Variants in PDE11A observed in about 807,000 individuals in gnomAD.
PDE11A encodes the protein dual 3',5'-cyclic-AMP and -GMP phosphodiesterase 11A.
In PDE11A, 100 loss-of-function variants were observed where a neutral mutation model predicts 100.5. That is an observed-to-expected ratio of 1.00 (90% CI 0.85 to 1.18). PDE11A has a LOEUF of 1.18. PDE11A is among the 50% of genes most tolerant of loss of function. The pLI, the probability that PDE11A is intolerant of heterozygous loss-of-function variation, is 0.00. For missense variants in PDE11A, 1,141 were observed against 1,152.6 expected, an observed-to-expected ratio of 0.99 and a Z score of 0.15; for synonymous variants, 381 against 420.8, an observed-to-expected ratio of 0.91 and a Z score of 1.16.
At chr2:177,969,065 A>T (rs2085735400) in intron 2 of PDE11A, among the ~76,000 whole-genome samples, 1 of 152,218 alleles carries the variant, frequency 6.6e-6, no homozygotes, top group Non-Finnish European at 1.5e-5. Flanking sequence ...TGACACATAT[A>T]CACCATGGAA....
chr2:178,061,268 A>T (rs2086965929), intron 1 of PDE11A, among the ~76,000 whole-genome samples: 1 of 151,920 alleles, frequency 6.6e-6, no homozygotes, highest in Non-Finnish European at 1.5e-5. Flanking sequence ...CTACCAGGGG[A>T]TATTTGACAA....
At chr2:178,062,752 G>C (rs1220371393) in intron 1 of PDE11A, among the ~76,000 whole-genome samples, 1 of 152,130 alleles carries the variant, frequency 6.6e-6, no homozygotes, top group Non-Finnish European at 1.5e-5. Context: ...AAATGTAAAG[G>C]TTAAAACATT....
intron 3 of PDE11A, among the ~76,000 whole-genome samples, chr2:177,902,697 C>T (rs888554820): frequency 2.6e-5 from 4 of 152,152 alleles, no homozygotes; most frequent in African/African-American, 9.7e-5. Flanking sequence ...ATCTTAATCT[C>T]CAGTCCTGAC....
At chr2:177,904,920 C>A (rs567712726) in intron 3 of PDE11A, among the ~76,000 whole-genome samples, 178 bp downstream of exon 3, 3 of 152,178 alleles carry the variant, frequency 2.0e-5, no homozygotes, top group Non-Finnish European at 4.4e-5. Context: ...GTATCCACTT[C>A]CATTTGGGCT....
At chr2:177,927,098 C>T (rs998890911) in intron 2 of PDE11A, 2 of 152,224 alleles carry the variant, frequency 1.3e-5, no homozygotes, top group Admixed American at 1.3e-4. Context: ...ATTCCACTCT[C>T]ATTTTCTCTT....
intron 9 of PDE11A, among the ~76,000 whole-genome samples, chr2:177,812,738 A>G (rs941536613): frequency 6.6e-6 from 1 of 152,262 alleles, no homozygotes; most frequent in African/African-American, 2.4e-5. Context: ...CTTGACTCCC[A>G]GTAATCACTC....
chr2:178,041,200 A>G (rs1428239130), intron 1 of PDE11A, among the ~76,000 whole-genome samples: 2 of 150,894 alleles, frequency 1.3e-5, no homozygotes, highest in Non-Finnish European at 3.0e-5. Flanking sequence ...TCAGCCTCCC[A>G]AAGTGCTGGG....
At chr2:177,824,144 C>T (rs1037644294) in intron 6 of PDE11A, among the ~76,000 whole-genome samples, 2 of 152,012 alleles carry the variant, frequency 1.3e-5, no homozygotes, top group African/African-American at 4.8e-5. Flanking sequence ...TCTCCCATCC[C>T]CATGGAGGAT....
Position 177,761,755 on chromosome 2 carries a change from G to C in PDE11A, c.1788+7568C>G, listed in dbSNP as rs77948986. On this transcript the variant is annotated intron_variant, in intron 10 of 19. Coordinates refer to ENST00000286063, the MANE Select transcript of PDE11A (RefSeq NM_016953.4). ...TGGGTGCAAACATATAAAAGGACAGGGAATGGGCAGAAAACACCAAGTAGA... is the reference window on the plus strand; with the variant it reads ...TGGGTGCAAACATATAAAAGGACAGCGAATGGGCAGAAAACACCAAGTAGA... Among the ~76,000 whole-genome samples, 1,182 of 152,242 alleles carry C rather than the reference G, an allele frequency of 7.8e-3. 15 individuals carry two copies. Among genetic ancestry groups the C allele is most frequent in the African/African-American group, 0.027 (1,119 of 41,536 alleles).
At chr2:178,028,888 G>A (rs957299449) in intron 1 of PDE11A, among the ~76,000 whole-genome samples, 7 of 152,042 alleles carry the variant, frequency 4.6e-5, no homozygotes, top group Non-Finnish European at 7.4e-5. Context: ...CAATTTAACC[G>A]ACTAGAATTC....
At chr2:177,868,358 A>G (rs2084065337) in intron 5 of PDE11A, among the ~76,000 whole-genome samples, 2 of 152,082 alleles carry the variant, frequency 1.3e-5, no homozygotes, top group Non-Finnish European at 2.9e-5. Context: ...AGGAAAAACA[A>G]AGCGGCTCTA....
intron 10 of PDE11A, among the ~76,000 whole-genome samples, chr2:177,749,967 G>C (rs1182627328): frequency 6.6e-6 from 1 of 152,180 alleles, no homozygotes; most frequent in Non-Finnish European, 1.5e-5. Flanking sequence ...CTGAAAACTA[G>C]AGTTTGGGTT....
At chr2:178,099,016 A>T (rs2105887785) in intron 2 of PDE11A, among the ~76,000 whole-genome samples, 1 of 152,310 alleles carries the variant, frequency 6.6e-6, no homozygotes, top group East Asian at 1.9e-4. Flanking sequence ...AATTCAAACA[A>T]TTTGTTTCTA....
intron 2 of PDE11A, among the ~76,000 whole-genome samples, chr2:177,982,096 T>C (rs1020940965): frequency 6.6e-6 from 1 of 151,122 alleles, no homozygotes; most frequent in Admixed American, 6.6e-5. Context: ...TCAATTGTAC[T>C]AATCACGAAT....
chr2:177,985,498 A>G (rs2085929521), intron 2 of PDE11A, among the ~76,000 whole-genome samples: 1 of 152,204 alleles, frequency 6.6e-6, no homozygotes, highest in South Asian at 2.1e-4. Context: ...ACTCATTGAA[A>G]CAAAAAAAAA....
chr2:177,865,084 G>A (rs2084005084), intron 5 of PDE11A, among the ~76,000 whole-genome samples: 13 of 152,138 alleles, frequency 8.5e-5, no homozygotes, highest in Admixed American at 8.5e-4. Flanking sequence ...TTCAAGACCA[G>A]CCTGGCCAAC....
At chr2:177,642,481 C>T (rs1106075) in intron 19 of PDE11A, among the ~76,000 whole-genome samples, 10,116 of 152,256 alleles carry the variant, frequency 0.066, 933 homozygotes, top group African/African-American at 0.21. Context: ...AGGGCTCTAG[C>T]TTTATAATTC....
chr2:177,807,780 T>C (rs538561715), intron 9 of PDE11A, among the ~76,000 whole-genome samples: 6 of 152,336 alleles, frequency 3.9e-5, no homozygotes, highest in African/African-American at 1.2e-4. Context: ...TTACACTTAG[T>C]ATACAAGAAT....
intron 4 of PDE11A, among the ~76,000 whole-genome samples, chr2:177,879,731 G>C (rs950339923): frequency 3.9e-5 from 6 of 152,106 alleles, no homozygotes; most frequent in Non-Finnish European, 8.8e-5. Flanking sequence ...AAATGGAATA[G>C]GAAATAATAG....
Sources: gnomAD v4.1 joint callset for allele counts (sites outside exome capture counted in the v4.1 genomes callset) on GRCh38, gnomAD v4.1.1 for gene constraint, MANE v1.5 for transcripts, NCBI Gene and HGNC (gene_info 2026-07-23, HGNC 2026-07-21) for gene names.